The following SDK1 variants were observed in gnomAD, a reference collection of about 807,000 sequenced individuals.
The protein encoded by SDK1 is sidekick cell adhesion molecule 1.
In SDK1, 157 loss-of-function variants were observed where a neutral mutation model predicts 245.5. That is an observed-to-expected ratio of 0.64 (90% confidence interval 0.56 to 0.73). SDK1 has a LOEUF of 0.73. SDK1 is among the 30% of genes least tolerant of loss of function. SDK1 has a pLI of 0.00. For synonymous variants in SDK1, 1,647 were observed against 1,278.5 expected (o/e 1.29, Z -6.15); for missense variants, 3,583 against 3,002.3 (o/e 1.19, Z -4.52).
intron 4 of SDK1, among the ~76,000 whole-genome samples, chr7:3,751,646 A>G (rs1779775084): frequency 6.6e-6 from 1 of 152,144 alleles, no homozygotes; most frequent in African/African-American, 2.4e-5. Flanking sequence ...CTTTTTCTCA[A>G]AAGAAACCAT....
chr7:4,229,057 A>T (rs1050161263), intron 40 of SDK1, among the ~76,000 whole-genome samples: 3 of 152,198 alleles, frequency 2.0e-5, no homozygotes, highest in Non-Finnish European at 4.4e-5. Context: ...ACATGGAAAA[A>T]TTGGTTGCAT....
intron 20 of SDK1, among the ~76,000 whole-genome samples, chr7:4,072,506 G>C (rs1009683779): frequency 6.6e-6 from 1 of 152,236 alleles, no homozygotes; most frequent in Non-Finnish European, 1.5e-5. Context: ...CATCAGGGGA[G>C]CTCCCCCCAG....
chr7:4,259,310 G>T lies in SDK1; in HGVS notation c.6382-5814G>T, dbSNP rs1482047073. Among the ~76,000 whole-genome samples, 77 of 152,264 alleles carry T rather than the reference G, an allele frequency of 5.1e-4. 3 individuals carry two copies. Among genetic ancestry groups the T allele is most frequent in the African/African-American group, 1.7e-3 (70 of 41,564 alleles). On this transcript the variant is annotated intron_variant, in intron 44 of 44. Transcript: ENST00000404826. ...AAAAATTAGCCAGGTGTGGTGGCGG[G>T]CACCTGTAATCCCAGATAGGAGGCT...
At chr7:3,940,292 G>T (rs1237161970) in intron 5 of SDK1, among the ~76,000 whole-genome samples, 1 of 152,230 alleles carries the variant, frequency 6.6e-6, no homozygotes, top group East Asian at 1.9e-4. Context: ...GTGCTTTGCG[G>T]GACAGTGAAA....
At chr7:3,577,147 T>C (rs532019515) in intron 1 of SDK1, among the ~76,000 whole-genome samples, 2 of 151,906 alleles carry the variant, frequency 1.3e-5, no homozygotes, top group Non-Finnish European at 2.9e-5. Flanking sequence ...CTAAATGAAA[T>C]CCACACACAC....
intron 5 of SDK1, among the ~76,000 whole-genome samples, chr7:3,901,493 C>A (rs777122744): frequency 6.6e-6 from 1 of 152,132 alleles, no homozygotes; most frequent in African/African-American, 2.4e-5. Context: ...TCGTAATGAC[C>A]CCATGTCCTT....
Position 4,239,149 on chromosome 7 carries a change from G to A in SDK1, c.6130+1365G>A, listed in dbSNP as rs554204210. On this transcript the variant is annotated intron_variant, in intron 42 of 44. Transcript: ENST00000404826. ...ATTCAGTCAATAAGCATTTATTGCC[G>A]AATGACCCACTATCATTAGAGAAAG... Among the ~76,000 whole-genome samples, 7 of 152,310 alleles carry A rather than the reference G, an allele frequency of 4.6e-5. No individual in the cohort carries two copies. In the East Asian group the frequency reaches 7.7e-4, roughly 17 times the overall value.
At chr7:3,583,187 C>T (rs1394137511) in intron 1 of SDK1, among the ~76,000 whole-genome samples, 1 of 152,210 alleles carries the variant, frequency 6.6e-6, no homozygotes, top group Non-Finnish European at 1.5e-5. Flanking sequence ...TTGTTTACAG[C>T]TCTCGGGCTA....
At chr7:3,862,466 T>C (rs75832273) in intron 5 of SDK1, among the ~76,000 whole-genome samples, 9 of 152,138 alleles carry the variant, frequency 5.9e-5, no homozygotes, top group African/African-American at 2.2e-4. Context: ...TATGTGTTAA[T>C]GCATAACATA....
In SDK1 at chr7:4,144,446, CGGTG is replaced by C. The variant is rs1562879694; in HGVS notation, c.4229-1275_4229-1272del. On this transcript the variant is annotated intron_variant, in intron 28 of 44. Transcript: ENST00000404826. ...AGGGCGTGTGTCCCTGTCTGTGTGG[CGGTG>C]ATGACGGTGCTGATGGTGAGCGGTG... 5.3e-4 allele frequency among the ~76,000 whole-genome samples: 21 copies of C among 39,874 alleles called. No individual in the cohort carries two copies. In the East Asian group the frequency reaches 0.064, roughly 121 times the overall value. 26.2% of individuals were successfully genotyped at this position (39,874 alleles called of 152,430 possible).
intron 1 of SDK1, among the ~76,000 whole-genome samples, chr7:3,402,825 T>C (rs1210055021): frequency 1.3e-5 from 2 of 152,244 alleles, no homozygotes; most frequent in Non-Finnish European, 2.9e-5. Flanking sequence ...ATTATAGCTA[T>C]GTGGAATGTA....
intron 5 of SDK1, among the ~76,000 whole-genome samples, chr7:3,908,737 T>G (rs1047261563): frequency 2.6e-5 from 4 of 152,158 alleles, no homozygotes; most frequent in Non-Finnish European, 5.9e-5. Flanking sequence ...AGAGAATACA[T>G]GATAAATTTA....
At chr7:3,498,749 C>CTT (rs1782102759) in intron 1 of SDK1, among the ~76,000 whole-genome samples, 1 of 149,290 alleles carries the variant, frequency 6.7e-6, no homozygotes. Context: ...TTTTTTTCCC[C>CTT]TTTACTCCCT....
intron 1 of SDK1, among the ~76,000 whole-genome samples, chr7:3,311,375 C>T (rs1242704758): frequency 6.6e-6 from 1 of 152,026 alleles, no homozygotes; most frequent in Non-Finnish European, 1.5e-5. Context: ...TTTTTGAGCT[C>T]AATCTCACTG....
chr7:3,812,154 T>C (rs968403646), intron 4 of SDK1, among the ~76,000 whole-genome samples: 1 of 152,244 alleles, frequency 6.6e-6, no homozygotes, highest in African/African-American at 2.4e-5. Flanking sequence ...TGCAAAGATA[T>C]TTAGAAAATG....
At chr7:3,341,143 A>G (rs1181118311) in intron 1 of SDK1, among the ~76,000 whole-genome samples, 1 of 152,188 alleles carries the variant, frequency 6.6e-6, no homozygotes, top group African/African-American at 2.4e-5. Flanking sequence ...CAAATCAAAT[A>G]GAGTAATTAA....
intron 22 of SDK1, among the ~76,000 whole-genome samples, chr7:4,092,913 C>T (rs148818864): frequency 9.2e-5 from 14 of 152,324 alleles, no homozygotes; most frequent in African/African-American, 2.2e-4. Flanking sequence ...AGAGTGTTCA[C>T]GTTTCTTCCC....
intron 5 of SDK1, among the ~76,000 whole-genome samples, chr7:3,887,114 C>G (rs183222253): frequency 6.6e-6 from 1 of 152,076 alleles, no homozygotes; most frequent in African/African-American, 2.4e-5. Context: ...TTTGACACAG[C>G]CTGGGTTCAT....
At chr7:3,838,582 A>G (rs1011829570) in intron 5 of SDK1, among the ~76,000 whole-genome samples, 5 of 152,132 alleles carry the variant, frequency 3.3e-5, no homozygotes, top group Non-Finnish European at 5.9e-5. Flanking sequence ...AGAGGGTGCA[A>G]ACAGAACTGT....
Sources: allele counts gnomAD v4.1 joint callset (sites outside exome capture counted in the v4.1 genomes callset), GRCh38; gene constraint gnomAD v4.1.1; transcripts MANE v1.5; gene names NCBI Gene and HGNC (gene_info 2026-07-23, HGNC 2026-07-21).